CAMKMT: variants seen among roughly 807,000 people sequenced by gnomAD.
CAMKMT encodes CaM KMT.
A neutral mutation model predicts 48.0 loss-of-function variants in CAMKMT; 53 were observed. The observed-to-expected ratio is 1.10, with a 90% CI of 0.89 to 1.39. CAMKMT has a LOEUF of 1.39. Among genes scored for constraint, CAMKMT ranks in the 40% most tolerant of loss-of-function variants. CAMKMT has a pLI of 0.00. For synonymous variants in CAMKMT, 165 were observed against 152.3 expected, an observed-to-expected ratio of 1.08 and a Z score of -0.61; for missense variants, 428 against 402.7, an observed-to-expected ratio of 1.06 and a Z score of -0.54.
rs1402425620 is a variant in CAMKMT, at chr2:44,657,286, G to A, written c.377-46997G>A. ...TTAAAGAACTAAAGAAATGCCAGAA[G>A]AGTGTTGCACAAGTTAATTGATTTT... On this transcript the variant is annotated intron_variant, in intron 3 of 10. Transcript: ENST00000378494. This position sits in a 1 kb window ranked among gnomAD's most constrained non-coding sequence, Gnocchi z 4.3. Among the ~76,000 whole-genome samples, 1 of 152,198 alleles carries A rather than the reference G, an allele frequency of 6.6e-6. No homozygotes were observed. The highest frequency in any genetic ancestry group is 1.5e-5 in the Non-Finnish European group (1 of 68,028).
intron 3 of CAMKMT, among the ~76,000 whole-genome samples, chr2:44,479,854 T>C (rs1668876599): frequency 6.6e-6 from 1 of 152,212 alleles, no homozygotes; most frequent in South Asian, 2.1e-4. Context: ...CAAACAAGTA[T>C]TGACAGCCGT....
intron 3 of CAMKMT, among the ~76,000 whole-genome samples, chr2:44,504,320 C>T (rs1670153868): frequency 6.6e-6 from 1 of 152,136 alleles, no homozygotes; most frequent in Non-Finnish European, 1.5e-5. Flanking sequence ...GTTTAGGGCA[C>T]TCCCTTTAGG....
intron 3 of CAMKMT, among the ~76,000 whole-genome samples, chr2:44,444,642 A>G (rs1056174592): frequency 1.3e-5 from 2 of 152,284 alleles, no homozygotes; most frequent in South Asian, 2.1e-4. Flanking sequence ...ACACACATAC[A>G]TGTGTGTGTA....
intron 3 of CAMKMT, among the ~76,000 whole-genome samples, chr2:44,420,730 T>A (rs1683881714): frequency 6.6e-6 from 1 of 152,070 alleles, no homozygotes; most frequent in Non-Finnish European, 1.5e-5. Flanking sequence ...TTAATTATAT[T>A]TTTTAAAATA....
intron 3 of CAMKMT, among the ~76,000 whole-genome samples, chr2:44,583,904 A>G (rs563216117): frequency 2.0e-5 from 3 of 152,340 alleles, no homozygotes; most frequent in East Asian, 1.9e-4. Context: ...ACAAATATCC[A>G]TATGTGAGTG....
chr2:44,507,981 A>G (rs893913402), intron 3 of CAMKMT, among the ~76,000 whole-genome samples: 4 of 152,210 alleles, frequency 2.6e-5, no homozygotes, highest in African/African-American at 9.6e-5. Flanking sequence ...TTCTCAAACT[A>G]TCTGTGGTGA....
chr2:44,466,908 A>G lies in CAMKMT; in HGVS notation c.376+76603A>G, dbSNP rs145174900. On this transcript the variant is annotated intron_variant, in intron 3 of 10. Transcript: ENST00000378494. The stretch of plus-strand genomic sequence containing the variant: ...ACAGCAACACATTTGATAACCTAGA[A>G]ATGGATAAATTTCTAGAAACATATA... 3.9e-3 allele frequency among the ~76,000 whole-genome samples: 591 copies of G among 152,306 alleles called. 2 individuals are homozygous for G. Among genetic ancestry groups the G allele is most frequent in the Middle Eastern group, 6.8e-3 (2 of 294 alleles).
chr2:44,718,671 G>C (rs868516129), intron 7 of CAMKMT, among the ~76,000 whole-genome samples: 5 of 152,158 alleles, frequency 3.3e-5, no homozygotes, highest in African/African-American at 9.7e-5. Flanking sequence ...TCCAGAATTA[G>C]TGAATAGCGT....
intron 3 of CAMKMT, among the ~76,000 whole-genome samples, chr2:44,497,604 T>C (rs546807133): frequency 5.3e-5 from 8 of 152,252 alleles, no homozygotes; most frequent in Admixed American, 3.9e-4. Flanking sequence ...AATAAACCTC[T>C]AACCAGGGAC....
At chr2:44,382,920 A>G (rs1359216156) in intron 2 of CAMKMT, among the ~76,000 whole-genome samples, 10 of 152,198 alleles carry the variant, frequency 6.6e-5, no homozygotes, top group Admixed American at 4.6e-4. Flanking sequence ...GGCTGCCAAA[A>G]CAAAACACCA....
chr2:44,381,854 G>T (rs1201232294), intron 2 of CAMKMT, among the ~76,000 whole-genome samples: 1 of 151,652 alleles, frequency 6.6e-6, no homozygotes, highest in Non-Finnish European at 1.5e-5. Flanking sequence ...GTTTTTTCTT[G>T]AAGGAACCGT....
intron 3 of CAMKMT, among the ~76,000 whole-genome samples, chr2:44,637,587 AT>A (rs112401015): frequency 0.01 from 1,576 of 150,628 alleles, 31 homozygotes; most frequent in African/African-American, 0.033. Context: ...TATAATTTTA[AT>A]TTTTTTTTTC....
intron 3 of CAMKMT, among the ~76,000 whole-genome samples, chr2:44,681,619 T>C (rs1458312986): frequency 2.0e-5 from 3 of 151,854 alleles, no homozygotes; most frequent in Admixed American, 6.6e-5. Context: ...CAGTCTCTGA[T>C]AATTTGGAGT....
At chr2:44,410,683 A>G (rs1683143560) in intron 3 of CAMKMT, among the ~76,000 whole-genome samples, 2 of 152,198 alleles carry the variant, frequency 1.3e-5, no homozygotes, top group South Asian at 2.1e-4. Context: ...GTTCTTTAAT[A>G]TGCTAAAAGA....
intron 3 of CAMKMT, among the ~76,000 whole-genome samples, chr2:44,589,896 G>GAAAAAAAAAAAAAA (rs888613058): frequency 3.3e-5 from 2 of 60,388 alleles, no homozygotes; most frequent in African/African-American, 6.0e-5. Context: ...AAAAAAAAAA[G>GAAAAAAAAAAAAAA]AAAAAAAAAA....
chr2:44,727,231 T>C (rs1477177975), intron 7 of CAMKMT, among the ~76,000 whole-genome samples: 1 of 152,254 alleles, frequency 6.6e-6, no homozygotes, highest in East Asian at 1.9e-4. Flanking sequence ...TTTTACAACA[T>C]TGATTCTTCT....
At chr2:44,564,993 A>G (rs1383847288) in intron 3 of CAMKMT, among the ~76,000 whole-genome samples, 1 of 152,214 alleles carries the variant, frequency 6.6e-6, no homozygotes, top group Non-Finnish European at 1.5e-5. Context: ...TTCCAGGGCT[A>G]TCCACTGTTT....
chr2:44,607,054 A>G (rs1671328282), intron 3 of CAMKMT, among the ~76,000 whole-genome samples: 1 of 152,228 alleles, frequency 6.6e-6, no homozygotes, highest in Non-Finnish European at 1.5e-5. Context: ...TATGGTTTCA[A>G]GAAGTTATTT....
intron 3 of CAMKMT, among the ~76,000 whole-genome samples, chr2:44,492,053 A>G (rs1669533991): frequency 6.6e-6 from 1 of 152,198 alleles, no homozygotes; most frequent in African/African-American, 2.4e-5. Context: ...TCTAGATCTT[A>G]GTTATGATTT....
Sources: allele counts gnomAD v4.1 joint callset (sites outside exome capture counted in the v4.1 genomes callset), GRCh38; gene constraint gnomAD v4.1.1; non-coding constraint Gnocchi (gnomAD v3.1); transcripts MANE v1.5; gene names NCBI Gene and HGNC (gene_info 2026-07-23, HGNC 2026-07-21).